DNM3: variants seen among roughly 807,000 people sequenced by gnomAD.
The protein encoded by DNM3 is dynamin-3.
In DNM3, 47 loss-of-function variants were observed where a neutral mutation model predicts 101.6. That is an observed-to-expected ratio of 0.46 (90% confidence interval 0.37 to 0.59). The LOEUF (loss-of-function observed/expected upper bound fraction) is 0.59, where lower values mean the gene tolerates loss of function less well. Among genes scored for constraint, DNM3 ranks in the 20% least tolerant of loss-of-function variants. The pLI, the probability that DNM3 is intolerant of heterozygous loss-of-function variation, is 0.00. For missense variants in DNM3, 849 were observed against 1,085.7 expected (o/e 0.78, Z 3.06); for synonymous variants, 385 against 387.9 (o/e 0.99, Z 0.09).
At chr1:172,191,947 T>G (rs938433044) in intron 14 of DNM3, among the ~76,000 whole-genome samples, 37 of 151,702 alleles carry the variant, frequency 2.4e-4, no homozygotes, top group Non-Finnish European at 4.4e-5. Context: ...AAATATACCA[T>G]CATGTCATCT....
intron 15 of DNM3, among the ~76,000 whole-genome samples, chr1:172,297,780 A>G (rs2064237392): frequency 6.6e-6 from 1 of 152,110 alleles, no homozygotes. Flanking sequence ...AGAACTTCAT[A>G]TGCCTCAGTT....
intron 1 of DNM3, among the ~76,000 whole-genome samples, chr1:171,877,100 A>C (rs1202922023): frequency 6.6e-6 from 1 of 152,192 alleles, no homozygotes; most frequent in African/African-American, 2.4e-5. Flanking sequence ...AAAAGTTAAC[A>C]ATGAAAACCT....
chr1:172,113,620 CAAAAAAAAAA>C (rs34129992), intron 13 of DNM3, among the ~76,000 whole-genome samples: 2 of 52,356 alleles, frequency 3.8e-5, no homozygotes, highest in African/African-American at 6.3e-5. Flanking sequence ...AACTCTGTCT[CAAAAAAAAAA>C]AAAAAAAAAA....
rs778400903 is a variant in DNM3 at position 172,138,854 on chromosome 1, T to G, written c.1659+7566T>G. The G allele has an allele frequency of 1.1e-5, 5 of 475,890 alleles. No individual in the cohort carries two copies. In the East Asian group the frequency reaches 3.4e-4, roughly 33 times the overall value. The allele number at this position is 475,890 out of a possible 1,614,324, so 29.5% of individuals were successfully genotyped here. A position where few individuals can be genotyped will look rare whatever the true frequency, so the allele number is the denominator to read the frequency against. ...GCCTGCTGTACAGGTGAGCGGATGT[T>G]CTGCACAGCAAGTGTAGACAGGCAG... On this transcript the variant is annotated intron_variant, in intron 14 of 20. Coordinates refer to ENST00000627582, the MANE Select transcript of DNM3 (RefSeq NM_015569.5).
intron 6 of DNM3, among the ~76,000 whole-genome samples, chr1:172,035,980 C>T (rs1479393747): frequency 6.6e-6 from 1 of 151,734 alleles, no homozygotes. Context: ...GTTAATTCTC[C>T]TTACTTTTTT....
intron 14 of DNM3, 43 bp from the exon 15 acceptor site, chr1:172,253,530 C>T: frequency 1.9e-5 from 23 of 1,233,174 alleles, no homozygotes; most frequent in Non-Finnish European, 2.5e-5. Flanking sequence ...CTCTCCTCTC[C>T]TCTCCTCTCC....
intron 13 of DNM3, among the ~76,000 whole-genome samples, chr1:172,100,965 C>T (rs977864794): frequency 2.2e-4 from 33 of 152,130 alleles, no homozygotes; most frequent in African/African-American, 2.4e-4. Context: ...ATTGGACTGG[C>T]GTGGATCATG....
At chr1:172,343,425 G>A (rs1196744708) in intron 17 of DNM3, among the ~76,000 whole-genome samples, 1 of 151,934 alleles carries the variant, frequency 6.6e-6, no homozygotes, top group Non-Finnish European at 1.5e-5. Context: ...GTCCTTTAAA[G>A]TATATGATTT....
chr1:172,262,768 G>C (rs73030915), intron 15 of DNM3, among the ~76,000 whole-genome samples: 9,105 of 152,196 alleles, frequency 0.06, 851 homozygotes, highest in African/African-American at 0.2. Context: ...TATTTGAACA[G>C]GCCATGATAT....
intron 4 of DNM3, among the ~76,000 whole-genome samples, chr1:171,991,525 T>C (rs2045630261): frequency 6.6e-6 from 1 of 152,160 alleles, no homozygotes; most frequent in African/African-American, 2.4e-5. Flanking sequence ...GGAGCTTCCA[T>C]GTTCTCTCCG....
At chr1:171,856,604 T>C (rs1210539439) in intron 1 of DNM3, among the ~76,000 whole-genome samples, 1 of 152,184 alleles carries the variant, frequency 6.6e-6, no homozygotes, top group Non-Finnish European at 1.5e-5. Flanking sequence ...TGGTTAGCTG[T>C]GTTCCTAGGT....
chr1:172,387,067 C>A, intron 18 of DNM3, 66 bp from the exon 19 acceptor site: 1 of 1,358,674 alleles, frequency 7.4e-7, no homozygotes. Context: ...CTGCCACAGC[C>A]ATGTTTCTAC....
At chr1:172,224,383 A>G (rs1351634599) in intron 14 of DNM3, among the ~76,000 whole-genome samples, 1 of 152,218 alleles carries the variant, frequency 6.6e-6, no homozygotes. Flanking sequence ...AATCAAATGG[A>G]AACCACCCCA....
intron 17 of DNM3, among the ~76,000 whole-genome samples, chr1:172,371,566 C>G (rs2068323388): frequency 6.6e-6 from 1 of 151,962 alleles, no homozygotes. Context: ...ATTATTCTCA[C>G]TTGGTGATAT....
chr1:172,245,258 A>G (rs74894532), intron 14 of DNM3, among the ~76,000 whole-genome samples: 3,157 of 152,342 alleles, frequency 0.021, 47 homozygotes, highest in Middle Eastern at 0.034. Flanking sequence ...AATAAAGGTA[A>G]TAATAGTAAT....
chr1:172,336,441 TAGAAG>T (rs903851710), intron 17 of DNM3, among the ~76,000 whole-genome samples: 39 of 151,400 alleles, frequency 2.6e-4, no homozygotes, highest in African/African-American at 8.5e-4. Flanking sequence ...GGTAGATTTA[TAGAAG>T]AGAAAAGTGT....
At chr1:172,030,864 G>A (rs532575608) in intron 4 of DNM3, among the ~76,000 whole-genome samples, 2 of 152,256 alleles carry the variant, frequency 1.3e-5, no homozygotes, top group South Asian at 2.1e-4. Flanking sequence ...ACCATCTCAT[G>A]CCAGTTAGAA....
chr1:172,310,800 A>C (rs2065047729), intron 16 of DNM3: 1 of 152,140 alleles, frequency 6.6e-6, no homozygotes, highest in South Asian at 2.1e-4. Flanking sequence ...GAGCCTTTTG[A>C]ATTTTATTCT....
chr1:172,288,165 A>G (rs1313624452), intron 15 of DNM3, among the ~76,000 whole-genome samples: 7 of 152,206 alleles, frequency 4.6e-5, no homozygotes, highest in Admixed American at 3.9e-4. Flanking sequence ...GCTGATAACA[A>G]ACAGTAATTA....
Sources: gnomAD v4.1 joint callset for allele counts (sites outside exome capture counted in the v4.1 genomes callset) on GRCh38, gnomAD v4.1.1 for gene constraint, MANE v1.5 for transcripts, NCBI Gene and HGNC (gene_info 2026-07-23, HGNC 2026-07-21) for gene names.